The following SPAG16 variants were observed in gnomAD, a reference collection of about 807,000 sequenced individuals.
SPAG16 encodes the protein sperm associated antigen 16, also known as sperm-associated antigen 16 protein.
SPAG16 carries 86 observed loss-of-function variants against 80.4 expected under a neutral mutation model. The observed-to-expected ratio is 1.07, with a 90% CI of 0.90 to 1.28. The LOEUF (loss-of-function observed/expected upper bound fraction) is 1.28, where lower values mean the gene tolerates loss of function less well. SPAG16 is among the 50% of genes most tolerant of loss of function. The pLI is 0.00. For missense variants in SPAG16, 870 were observed against 765.3 expected (o/e 1.14, Z -1.61); for synonymous variants, 294 against 265.9 (o/e 1.11, Z -1.03).
At chr2:213,701,760 A>T (rs918761644) in intron 10 of SPAG16, among the ~76,000 whole-genome samples, 3 of 151,262 alleles carry the variant, frequency 2.0e-5, no homozygotes, top group Admixed American at 1.3e-4. Context: ...TCAGCACTCT[A>T]TGTCTAGCTC....
chr2:214,260,378 T>G (rs780898218), intron 15 of SPAG16, among the ~76,000 whole-genome samples: 4 of 152,192 alleles, frequency 2.6e-5, no homozygotes, highest in Middle Eastern at 3.4e-3. Context: ...TTCTTTTCAT[T>G]GTAAGCCTCT....
intron 13 of SPAG16, among the ~76,000 whole-genome samples, chr2:214,037,867 G>A (rs12694313): frequency 0.25 from 14,316 of 58,070 alleles, 726 homozygotes; most frequent in Middle Eastern, 0.33. Context: ...GAAGCCTGGT[G>A]TGTGTGTGTG....
intron 8 of SPAG16, among the ~76,000 whole-genome samples, chr2:213,366,347 C>T (rs939653084): frequency 8.6e-5 from 13 of 152,020 alleles, no homozygotes; most frequent in East Asian, 1.9e-4. Flanking sequence ...TAAAGAGAAC[C>T]ACTCCTGAAC....
chr2:214,165,899 T>C (rs2056634787), intron 15 of SPAG16, among the ~76,000 whole-genome samples: 1 of 152,068 alleles, frequency 6.6e-6, no homozygotes, highest in African/African-American at 2.4e-5. Flanking sequence ...CTCATTTAGG[T>C]GCTTAATGTT....
At chr2:213,702,316 G>T (rs112296231) in intron 10 of SPAG16, among the ~76,000 whole-genome samples, 1 of 152,178 alleles carries the variant, frequency 6.6e-6, no homozygotes, top group Non-Finnish European at 1.5e-5. Context: ...GCGGCAACCC[G>T]CTTGGGTCTC....
intron 10 of SPAG16, among the ~76,000 whole-genome samples, chr2:213,715,432 G>A (rs536002941): frequency 6.6e-6 from 1 of 152,192 alleles, no homozygotes; most frequent in South Asian, 2.1e-4. Context: ...CGTGACAAGC[G>A]CTTACCACCA....
chr2:213,334,471 A>T (rs892600568), intron 5 of SPAG16, among the ~76,000 whole-genome samples: 16 of 152,202 alleles, frequency 1.1e-4, no homozygotes, highest in African/African-American at 3.6e-4. Context: ...ACCCAAAAGA[A>T]AGGAAATCAG....
chr2:214,332,701 G>T (rs1436633888), intron 15 of SPAG16, among the ~76,000 whole-genome samples: 1 of 152,102 alleles, frequency 6.6e-6, no homozygotes, highest in Non-Finnish European at 1.5e-5. Context: ...GTTAAATGGG[G>T]ATATTATGGA....
chr2:214,281,199 C>T, intron 15 of SPAG16: 1 of 330,364 alleles, frequency 3.0e-6, no homozygotes, highest in Non-Finnish European at 5.9e-6. Context: ...AGCCAACCTT[C>T]ACGCCATATT....
chr2:214,326,536 C>T (rs1206037990), intron 15 of SPAG16, among the ~76,000 whole-genome samples: 1 of 129,244 alleles, frequency 7.7e-6, no homozygotes, highest in African/African-American at 2.4e-5. Flanking sequence ...TGAAGTAGGA[C>T]AGATATGAGA....
intron 12 of SPAG16, among the ~76,000 whole-genome samples, chr2:213,960,757 G>A (rs1334119796): frequency 6.6e-6 from 1 of 152,078 alleles, no homozygotes; most frequent in Non-Finnish European, 1.5e-5. Flanking sequence ...CCCAAGAGGG[G>A]AAAAAGAGAA....
At chr2:214,041,927 GTA>G (rs2049027924) in intron 13 of SPAG16, among the ~76,000 whole-genome samples, 1 of 140,520 alleles carries the variant, frequency 7.1e-6, no homozygotes. Flanking sequence ...TATCTTTTGT[GTA>G]TATATTTATA....
intron 1 of SPAG16, among the ~76,000 whole-genome samples, chr2:213,291,735 A>G (rs1303016858): frequency 6.6e-6 from 1 of 152,244 alleles, no homozygotes; most frequent in Non-Finnish European, 1.5e-5. Context: ...AGTACTATGT[A>G]GCAGCAAATT....
chr2:213,933,522 A>T (rs1386691480), intron 12 of SPAG16, among the ~76,000 whole-genome samples: 1 of 152,222 alleles, frequency 6.6e-6, no homozygotes, highest in East Asian at 1.9e-4. Flanking sequence ...TTTGGAAGGC[A>T]GACCATGTGC....
chr2:214,240,791 AT>A (rs1689408402), intron 15 of SPAG16: 2 of 152,304 alleles, frequency 1.3e-5, no homozygotes, highest in Admixed American at 1.3e-4. Flanking sequence ...CTGAGCATTT[AT>A]TTTATGTGAA....
intron 12 of SPAG16, among the ~76,000 whole-genome samples, chr2:214,003,719 G>A (rs1161396562): frequency 6.6e-6 from 1 of 152,198 alleles, no homozygotes; most frequent in African/African-American, 2.4e-5. Flanking sequence ...ATTGTTTTGT[G>A]TATGTTCCTA....
chr2:213,880,484 T>A (rs1351863460), intron 11 of SPAG16, among the ~76,000 whole-genome samples: 3 of 152,204 alleles, frequency 2.0e-5, no homozygotes, highest in Admixed American at 2.0e-4. Context: ...TTTAATTAGG[T>A]CTCACTTGTC....
chr2:213,936,175 C>A (rs2078981353), intron 12 of SPAG16, among the ~76,000 whole-genome samples: 1 of 152,058 alleles, frequency 6.6e-6, no homozygotes, highest in Non-Finnish European at 1.5e-5. Flanking sequence ...GATCAGGAAG[C>A]TTTCCTATGG....
intron 15 of SPAG16, among the ~76,000 whole-genome samples, chr2:214,155,856 T>C (rs1358311112): frequency 6.6e-6 from 1 of 152,132 alleles, no homozygotes; most frequent in Non-Finnish European, 1.5e-5. Context: ...CCCTGTTTTA[T>C]AGTTGAGAAA....
Sources: allele counts gnomAD v4.1 joint callset (sites outside exome capture counted in the v4.1 genomes callset), GRCh38; gene constraint gnomAD v4.1.1; transcripts MANE v1.5; gene names NCBI Gene and HGNC (gene_info 2026-07-23, HGNC 2026-07-21).